The following ATG7 variants were observed in gnomAD, a reference collection of about 807,000 sequenced individuals.
The protein encoded by ATG7 is autophagy related 7.
Under a neutral mutation model 82.4 loss-of-function variants are expected in ATG7, and 70 were observed. That is an observed-to-expected ratio of 0.85 (90% CI 0.70 to 1.04). The LOEUF is 1.04. Among genes scored for constraint, ATG7 ranks in the 50% least tolerant of loss-of-function variants. The pLI, the probability that ATG7 is intolerant of heterozygous loss-of-function variation, is 0.00. For missense variants in ATG7, 792 were observed against 864.3 expected (o/e 0.92, Z 1.05); for synonymous variants, 287 against 313.0 (o/e 0.92, Z 0.88).
chr3:11,325,424 C>T (rs1377606450), intron 9 of ATG7, among the ~76,000 whole-genome samples: 1 of 152,200 alleles, frequency 6.6e-6, no homozygotes, highest in Non-Finnish European at 1.5e-5. Context: ...GTAATCACAG[C>T]ACTTTGGGAG....
chr3:11,494,565 A>C (rs1474472789), intron 20 of ATG7, among the ~76,000 whole-genome samples: 2 of 152,218 alleles, frequency 1.3e-5, no homozygotes, highest in Admixed American at 6.5e-5. Context: ...AGGCAAAGCT[A>C]GGATTAGGAA....
At chr3:11,532,316 G>C (rs943550309) in intron 20 of ATG7, among the ~76,000 whole-genome samples, 6 of 152,232 alleles carry the variant, frequency 3.9e-5, no homozygotes, top group Non-Finnish European at 7.3e-5. Context: ...GGACAAACCG[G>C]AAGTGTTGTG....
At chr3:11,574,207 C>T in the ATG7 span, among the ~76,000 whole-genome samples, 1 of 152,210 alleles carries the variant, frequency 6.6e-6, no homozygotes, top group African/African-American at 2.4e-5. Context: ...ATTCCCTAGG[C>T]CGTACCCACC....
intron 20 of ATG7, among the ~76,000 whole-genome samples, chr3:11,451,719 G>A (rs1223843939): frequency 4.0e-5 from 6 of 148,868 alleles, no homozygotes; most frequent in African/African-American, 1.2e-4. Flanking sequence ...AATTTGTAAT[G>A]CTAACATCTA....
intron 20 of ATG7, among the ~76,000 whole-genome samples, chr3:11,532,111 C>T (rs567092908): frequency 4.8e-4 from 73 of 152,232 alleles, no homozygotes; most frequent in African/African-American, 1.6e-3. Flanking sequence ...GACTGTGGGG[C>T]GCTGCAGGGC....
chr3:11,287,743 G>T (rs1023155449), intron 3 of ATG7, among the ~76,000 whole-genome samples: 1 of 152,254 alleles, frequency 6.6e-6, no homozygotes, highest in South Asian at 2.1e-4. Context: ...GCATTACAAG[G>T]TGCCTATTGC....
rs539819817 is a variant in ATG7, at chr3:11,299,950, G to T, written c.215+534G>T. 2.5e-4 allele frequency among the ~76,000 whole-genome samples: 38 copies of T among 150,732 alleles called. 1 individual carries two copies. In the South Asian group the frequency reaches 7.6e-3, roughly 30 times the overall value. On this transcript the variant is annotated intron_variant, in intron 5 of 20. Transcript: ENST00000693202. The stretch of plus-strand genomic sequence containing the variant: ...ACACTTTTTTTTTTTTTTGAGACAG[G>T]ATCTCACTCTGTCACCCAGGCTGGA...
chr3:11,457,282 G>T (rs917853855), intron 20 of ATG7, among the ~76,000 whole-genome samples: 1 of 152,122 alleles, frequency 6.6e-6, no homozygotes, highest in Non-Finnish European at 1.5e-5. Flanking sequence ...TACTAGGTGG[G>T]ACTGCCGGTA....
chr3:11,571,570 C>T, the ATG7 span, among the ~76,000 whole-genome samples: 1 of 151,928 alleles, frequency 6.6e-6, no homozygotes, highest in East Asian at 1.9e-4. Context: ...ATCCCAGCTA[C>T]TCAGGAGGAT....
At chr3:11,520,664 G>A (rs2092417637) in intron 20 of ATG7, among the ~76,000 whole-genome samples, 1 of 152,140 alleles carries the variant, frequency 6.6e-6, no homozygotes, top group Non-Finnish European at 1.5e-5. Context: ...TTCTGAGCTC[G>A]CCCTGTACCT....
intron 20 of ATG7, among the ~76,000 whole-genome samples, chr3:11,549,639 G>A (rs553994231): frequency 5.9e-5 from 9 of 152,326 alleles, no homozygotes; most frequent in South Asian, 2.1e-4. Context: ...CTGCTTTCCC[G>A]TTGATGATCA....
At chr3:11,450,400 G>A (rs561550139) in intron 20 of ATG7, among the ~76,000 whole-genome samples, 4 of 152,256 alleles carry the variant, frequency 2.6e-5, no homozygotes, top group South Asian at 2.1e-4. Context: ...CTCTAGATTT[G>A]TACTTTGGTA....
intron 9 of ATG7, among the ~76,000 whole-genome samples, chr3:11,325,021 G>A (rs1451438506): frequency 6.6e-6 from 1 of 152,158 alleles, no homozygotes; most frequent in Non-Finnish European, 1.5e-5. Context: ...GATTTGTTCA[G>A]ATACACAAAT....
intron 9 of ATG7, among the ~76,000 whole-genome samples, chr3:11,321,630 A>G (rs1950237147): frequency 6.6e-6 from 1 of 152,146 alleles, no homozygotes; most frequent in Non-Finnish European, 1.5e-5. Context: ...TTTTCTGCTC[A>G]GCTCACAATG....
At chr3:11,418,023 G>T (rs552586066) in intron 19 of ATG7, among the ~76,000 whole-genome samples, 2 of 151,212 alleles carry the variant, frequency 1.3e-5, no homozygotes, top group Non-Finnish European at 2.9e-5. Flanking sequence ...GTGTTAGCCA[G>T]GATGGTCTCG....
chr3:11,551,539 C>T (rs2437685), intron 20 of ATG7, among the ~76,000 whole-genome samples: 34,656 of 151,998 alleles, frequency 0.23, 4,360 homozygotes, highest in African/African-American at 0.31. Context: ...TCTGTACATC[C>T]GATGTTAGGT....
chr3:11,495,372 T>C (rs1174959490), intron 20 of ATG7, among the ~76,000 whole-genome samples: 15 of 152,270 alleles, frequency 9.9e-5, no homozygotes, highest in African/African-American at 3.4e-4. Flanking sequence ...ATAAAGTGTC[T>C]CATCCTGAGG....
At chr3:11,289,700 G>A (rs928481628) in intron 3 of ATG7, among the ~76,000 whole-genome samples, 1 of 152,086 alleles carries the variant, frequency 6.6e-6, no homozygotes, top group Non-Finnish European at 1.5e-5. Context: ...TGGGACTACC[G>A]ATGCGCCCTG....
intron 18 of ATG7, among the ~76,000 whole-genome samples, chr3:11,366,465 G>A (rs908625278): frequency 4.4e-4 from 67 of 152,060 alleles, no homozygotes; most frequent in African/African-American, 1.5e-3. Flanking sequence ...CAAAAGACGC[G>A]GTAATAACCA....
Sources: allele counts gnomAD v4.1 joint callset (sites outside exome capture counted in the v4.1 genomes callset), GRCh38; gene constraint gnomAD v4.1.1; transcripts MANE v1.5; gene names NCBI Gene and HGNC (gene_info 2026-07-23, HGNC 2026-07-21).